Variants in GLS observed in about 807,000 individuals in gnomAD.
GLS encodes the protein glutaminase.
In GLS, 36 loss-of-function variants were observed where a neutral mutation model predicts 86.7. The observed-to-expected ratio is 0.42, with a 90% CI of 0.32 to 0.55. The LOEUF (loss-of-function observed/expected upper bound fraction) is 0.55. Among genes scored for constraint, GLS ranks in the 20% least tolerant of loss-of-function variants. GLS has a pLI of 0.17. For synonymous variants in GLS, 317 were observed against 305.9 expected (o/e 1.04, Z -0.38); for missense variants, 528 against 833.4 (o/e 0.63, Z 4.51).
Position 190,913,841 on chromosome 2 carries a change from C to T in GLS, c.1038+3520C>T, listed in dbSNP as rs1689435472. 1.8e-6 allele frequency: 1 copy of T among 567,550 alleles called. No individual in the cohort carries two copies. Among genetic ancestry groups the T allele is most frequent in the African/African-American group, 2.0e-5 (1 of 49,168 alleles). The allele number at this position is 567,550 out of a possible 1,614,324, so 35.2% of individuals were successfully genotyped here. The stretch of plus-strand genomic sequence containing the variant: ...TTAGAGACAAGGTCTCTCTCTGTTG[C>T]CCAGTCTAAGTGCAGTGGTACAGTC... On this transcript the variant is annotated intron_variant, in intron 7 of 17. Transcript: ENST00000320717. The surrounding 1 kb of genome is among the most constrained non-coding windows in gnomAD (Gnocchi z 6.1).
rs181812328 is a variant in GLS at position 190,897,432 on chromosome 2, A to G, written c.605+1707A>G. Among the ~76,000 whole-genome samples, 87 of 152,340 alleles carry G rather than the reference A, an allele frequency of 5.7e-4. No individual in the cohort carries two copies. The highest frequency in any genetic ancestry group is 1.1e-3 in the Non-Finnish European group (78 of 68,022). On this transcript the variant is annotated intron_variant, in intron 3 of 17. Coordinates refer to ENST00000320717, the MANE Select transcript of GLS (RefSeq NM_014905.5). The surrounding 1 kb of genome is among the most constrained non-coding windows in gnomAD (Gnocchi z 4.3). ...TAAATTTTCTGCCTGCAATTAAGAG[A>G]TAGTAATTATTGTTTTAAACACTAA...
chr2:190,908,752 G>GGATGTTCA (rs112294185), intron 6 of GLS, among the ~76,000 whole-genome samples: 3 of 152,174 alleles, frequency 2.0e-5, no homozygotes, highest in African/African-American at 7.2e-5. Flanking sequence ...GCGGGTTTCC[G>GGATGTTCA]GATGTTCAGA....
chr2:190,949,123 A>T lies in GLS; in HGVS notation c.1651-4442A>T, dbSNP rs1483658121. 6.6e-6 allele frequency among the ~76,000 whole-genome samples: 1 copy of T among 152,196 alleles called. No homozygotes were observed. The highest frequency in any genetic ancestry group is 2.4e-5 in the African/African-American group (1 of 41,454). ...TAGACACCAAGACAAAAACAAGGGCAGTAAGACCAATTTTGCTCTATTGAG... is the reference window on the plus strand; with the variant it reads ...TAGACACCAAGACAAAAACAAGGGCTGTAAGACCAATTTTGCTCTATTGAG... On this transcript the variant is annotated intron_variant, in intron 14 of 17. Coordinates refer to ENST00000320717, the MANE Select transcript of GLS (RefSeq NM_014905.5). This position sits in a 1 kb window ranked among gnomAD's most constrained non-coding sequence, Gnocchi z 4.0.
At chr2:190,903,447 G>A (rs1689022935) in intron 5 of GLS, among the ~76,000 whole-genome samples, 1 of 152,112 alleles carries the variant, frequency 6.6e-6, no homozygotes, top group Non-Finnish European at 1.5e-5. Context: ...TAAATGTTGT[G>A]TGCTATGAAG....
rs79386111 is a variant in GLS, at chr2:190,955,136, A to T, written c.1853+318A>T. On this transcript the variant is annotated intron_variant, in intron 17 of 17. Transcript: ENST00000320717. The surrounding 1 kb of genome is among the most constrained non-coding windows in gnomAD (Gnocchi z 5.6). Reference sequence around the variant, plus strand: ...TATCCTCATGGATTTTAAAAAAAAAATTTTTAAATTACACTTTAAGTTCTG... The same window carrying T: ...TATCCTCATGGATTTTAAAAAAAAATTTTTTAAATTACACTTTAAGTTCTG... Among the ~76,000 whole-genome samples the T allele has an allele frequency of 0.094, 14,248 of 151,962 alleles. 1,227 individuals carry two copies. Among genetic ancestry groups the T allele is most frequent in the Admixed American group, 0.25 (3,859 of 15,244 alleles).
At position 190,963,065 on chromosome 2, in the gene GLS, C is replaced by G. The variant is rs1558998699; in HGVS notation, c.*79C>G. 2 of 1,009,754 alleles carry G rather than the reference C, an allele frequency of 2.0e-6. No homozygotes were observed. Among genetic ancestry groups the G allele is most frequent in the Non-Finnish European group, 2.9e-6 (2 of 686,942 alleles). 62.5% of individuals were successfully genotyped at this position (1,009,754 alleles called of 1,614,324 possible). ...TTATGAAGAACATGTGTATTTCTAT[C>G]TGGTAGTGATGTATATTTTACATTT... On this transcript the variant is annotated 3_prime_UTR_variant, in exon 18 of 18. Coordinates refer to ENST00000320717, the MANE Select transcript of GLS (RefSeq NM_014905.5).
Position 190,895,057 on chromosome 2 carries a change from A to G in GLS, c.387-95A>G. 1 of 617,716 alleles carries G rather than the reference A, an allele frequency of 1.6e-6. No homozygotes were observed. Among genetic ancestry groups the G allele is most frequent in the Non-Finnish European group, 3.0e-6 (1 of 336,998 alleles). The allele number at this position is 617,716 out of a possible 1,614,324, so 38.3% of individuals were successfully genotyped here. A position where few individuals can be genotyped will look rare whatever the true frequency, so the allele number is the denominator to read the frequency against. ...GTCTTGAGTATATGAGCTCAGCTGTAGTCTAGTTTAGTGGTTATTTAACAA... is the reference window on the plus strand; with the variant it reads ...GTCTTGAGTATATGAGCTCAGCTGTGGTCTAGTTTAGTGGTTATTTAACAA... On this transcript the variant is annotated intron_variant, in intron 1 of 17. Transcript: ENST00000320717. This position sits in a 1 kb window ranked among gnomAD's most constrained non-coding sequence, Gnocchi z 4.2.
rs1475516087 is a variant in GLS, at chr2:190,921,538, A to G, written c.1130+335A>G. On this transcript the variant is annotated intron_variant, in intron 9 of 17. Transcript: ENST00000320717. The surrounding 1 kb of genome is among the most constrained non-coding windows in gnomAD (Gnocchi z 4.2). ...GTCTATAGAAAAGTTGAAAAAATAA[A>G]TATCTGGAATCTTTTACTTATATTT... Among the ~76,000 whole-genome samples the G allele has an allele frequency of 1.3e-5, 2 of 151,968 alleles. No individual in the cohort carries two copies. The highest frequency in any genetic ancestry group is 2.9e-5 in the Non-Finnish European group (2 of 67,864).
intron 1 of GLS, among the ~76,000 whole-genome samples, chr2:190,884,866 A>G (rs1170424670): frequency 6.6e-6 from 1 of 152,242 alleles, no homozygotes; most frequent in Admixed American, 6.5e-5. Flanking sequence ...TTGGGAAAAT[A>G]GGAACTCTAG....
At chr2:190,942,742 G>A (rs1558991470) in intron 14 of GLS, among the ~76,000 whole-genome samples, 1 of 152,198 alleles carries the variant, frequency 6.6e-6, no homozygotes, top group Non-Finnish European at 1.5e-5. Context: ...TGAAGGATCT[G>A]TTTGATTGTG....
intron 7 of GLS, among the ~76,000 whole-genome samples, chr2:190,918,528 C>T (rs1416723131): frequency 6.6e-6 from 1 of 152,010 alleles, no homozygotes; most frequent in Non-Finnish European, 1.5e-5. Flanking sequence ...CTAGACCACA[C>T]AAATTTTCTC....
At chr2:190,911,717 A>G (rs748677361) in intron 7 of GLS, among the ~76,000 whole-genome samples, 6 of 152,210 alleles carry the variant, frequency 3.9e-5, no homozygotes, top group Middle Eastern at 3.4e-3. Context: ...AAGGAAACAC[A>G]TACTATAATG....
At position 190,891,887 on chromosome 2, in the gene GLS, C is replaced by T. The variant is rs1201374780; in HGVS notation, c.387-3265C>T. On this transcript the variant is annotated intron_variant, in intron 1 of 17. Transcript: ENST00000320717. ...GTTCTTTATAAACACTAAGTGAATGCTTACTTTCATCCCTTTGGTCTGTTT... is the reference window on the plus strand; with the variant it reads ...GTTCTTTATAAACACTAAGTGAATGTTTACTTTCATCCCTTTGGTCTGTTT... Among the ~76,000 whole-genome samples, 3 of 152,110 alleles carry T rather than the reference C, an allele frequency of 2.0e-5. 1 individual carries two copies. The highest frequency in any genetic ancestry group is 2.0e-4 in the Admixed American group (3 of 15,278).
In GLS at chr2:190,964,114, G is replaced by A. The variant is rs1275425319; in HGVS notation, c.*1128G>A. ...TTTTCTATTGTGTAATTCTTGGTGG[G>A]CTCTGTAGTTTAATAATAAGAAAAA... On this transcript the variant is annotated 3_prime_UTR_variant, in exon 18 of 18. Coordinates refer to ENST00000320717, the MANE Select transcript of GLS (RefSeq NM_014905.5). This position sits in a 1 kb window ranked among gnomAD's most constrained non-coding sequence, Gnocchi z 5.2. 1 of 151,628 alleles carries A rather than the reference G, an allele frequency of 6.6e-6. No homozygotes were observed. The highest frequency in any genetic ancestry group is 1.5e-5 in the Non-Finnish European group (1 of 67,902). 9.4% of individuals were successfully genotyped at this position (151,628 alleles called of 1,614,324 possible).
rs1250631077 is a variant in GLS at position 190,921,133 on chromosome 2, T to G, written c.1072-12T>G. ...TTTTTGATTACTAATATTCCCTACTTTTGGTTTCTAGGTCATGCAGTTTTT... is the reference window on the plus strand; with the variant it reads ...TTTTTGATTACTAATATTCCCTACTGTTGGTTTCTAGGTCATGCAGTTTTT... On this transcript the variant is annotated splice_polypyrimidine_tract_variant and intron_variant, in intron 8 of 17. Transcript: ENST00000320717. The surrounding 1 kb of genome is among the most constrained non-coding windows in gnomAD (Gnocchi z 4.2). The G allele has an allele frequency of 1.2e-6, 2 of 1,601,732 alleles. No homozygotes were observed. Among genetic ancestry groups the G allele is most frequent in the African/African-American group, 2.7e-5 (2 of 74,666 alleles).
intron 14 of GLS, among the ~76,000 whole-genome samples, chr2:190,939,830 G>C (rs981614759): frequency 3.3e-5 from 5 of 151,542 alleles, no homozygotes; most frequent in Non-Finnish European, 3.0e-5. Context: ...CCCAAGTTCT[G>C]TTGTTTTGTT....
Position 190,964,191 on chromosome 2 carries a change from T to G in GLS, c.*1205T>G, listed in dbSNP as rs1187361099. The G allele has an allele frequency of 2.6e-5, 4 of 152,174 alleles. No individual in the cohort carries two copies. The highest frequency in any genetic ancestry group is 4.4e-5 in the Non-Finnish European group (3 of 68,028). The allele number at this position is 152,174 out of a possible 1,614,324, so 9.4% of individuals were successfully genotyped here. A position where few individuals can be genotyped will look rare whatever the true frequency, so the allele number is the denominator to read the frequency against. ...ATAATTCTTTGTCTTGGGTTGGTAATTCAGGATTCATTTGGAAAGTGGGTA... is the reference window on the plus strand; with the variant it reads ...ATAATTCTTTGTCTTGGGTTGGTAAGTCAGGATTCATTTGGAAAGTGGGTA... On this transcript the variant is annotated 3_prime_UTR_variant, in exon 18 of 18. Coordinates refer to ENST00000320717, the MANE Select transcript of GLS (RefSeq NM_014905.5). The surrounding 1 kb of genome is among the most constrained non-coding windows in gnomAD (Gnocchi z 5.2).
At chr2:190,885,558 A>G (rs909341574) in intron 1 of GLS, among the ~76,000 whole-genome samples, 3 of 152,238 alleles carry the variant, frequency 2.0e-5, no homozygotes, top group African/African-American at 4.8e-5. Flanking sequence ...GGGTAGATTG[A>G]ACAATACTAG....
Position 190,920,987 on chromosome 2 carries a change from C to CAA in GLS, c.1039-37_1039-36insAA, listed in dbSNP as rs1421745678. On this transcript the variant is annotated intron_variant, in intron 7 of 17. Transcript: ENST00000320717. This position sits in a 1 kb window ranked among gnomAD's most constrained non-coding sequence, Gnocchi z 4.2. ...GCTTGAAACTTAACTGTAGTGGTAC[C>CAA]TATATTAACGTATTTATGTCTCTTA... 1 of 1,152,776 alleles carries CAA rather than the reference C, an allele frequency of 8.7e-7. No individual in the cohort carries two copies. Among genetic ancestry groups the CAA allele is most frequent in the Non-Finnish European group, 1.3e-6 (1 of 764,670 alleles). 71.4% of individuals were successfully genotyped at this position (1,152,776 alleles called of 1,614,324 possible). A position where few individuals can be genotyped will look rare whatever the true frequency, so the allele number is the denominator to read the frequency against.
Sources: gnomAD v4.1 joint callset for allele counts (sites outside exome capture counted in the v4.1 genomes callset) on GRCh38, gnomAD v4.1.1 for gene constraint, Gnocchi (gnomAD v3.1) non-coding constraint, MANE v1.5 for transcripts, NCBI Gene and HGNC (gene_info 2026-07-23, HGNC 2026-07-21) for gene names.